The following WDR70 variants were observed in gnomAD, a reference collection of about 807,000 sequenced individuals.
The protein encoded by WDR70 is WD repeat domain 70.
Under a neutral mutation model 88.6 loss-of-function variants are expected in WDR70, and 53 were observed. The observed-to-expected ratio is 0.60, with a 90% CI of 0.48 to 0.75. The LOEUF (loss-of-function observed/expected upper bound fraction) is 0.75, where lower values mean the gene tolerates loss of function less well. Among genes scored for constraint, WDR70 ranks in the 30% least tolerant of loss-of-function variants. WDR70 has a pLI of 0.00. For synonymous variants in WDR70, 280 were observed against 270.0 expected (o/e 1.04, Z -0.36); for missense variants, 610 against 823.2 (o/e 0.74, Z 3.17).
chr5:37,420,834 A>G (rs1268900531), intron 5 of WDR70, among the ~76,000 whole-genome samples: 1 of 152,116 alleles, frequency 6.6e-6, no homozygotes, highest in Non-Finnish European at 1.5e-5. Context: ...GAATCACTTG[A>G]ACCCAGGAGG....
chr5:37,414,816 G>A (rs920301678), intron 5 of WDR70, among the ~76,000 whole-genome samples: 1 of 150,922 alleles, frequency 6.6e-6, no homozygotes, highest in African/African-American at 2.4e-5. Flanking sequence ...ATCATTCTTG[G>A]GTGTTTCTCG....
chr5:37,477,798 C>T (rs1739533861), intron 7 of WDR70, among the ~76,000 whole-genome samples: 1 of 152,138 alleles, frequency 6.6e-6, no homozygotes. Context: ...TATAGGGTTT[C>T]TCTCTTATTT....
intron 10 of WDR70, among the ~76,000 whole-genome samples, chr5:37,616,116 A>G (rs1335200778): frequency 6.6e-6 from 1 of 152,062 alleles, no homozygotes; most frequent in African/African-American, 2.4e-5. Context: ...AACTTTCTCC[A>G]TAATCAAAAC....
At chr5:37,580,530 C>G (rs951757038) in intron 9 of WDR70, among the ~76,000 whole-genome samples, 1 of 152,202 alleles carries the variant, frequency 6.6e-6, no homozygotes, top group Non-Finnish European at 1.5e-5. Flanking sequence ...ACTTAACTTT[C>G]AGAACATATA....
intron 3 of WDR70, among the ~76,000 whole-genome samples, chr5:37,384,118 T>C (rs1036291429): frequency 1.3e-5 from 2 of 151,388 alleles, no homozygotes; most frequent in Non-Finnish European, 2.9e-5. Flanking sequence ...CTGTAAGAGA[T>C]AGGAAAAACC....
At chr5:37,706,586 C>G (rs1184907727) in intron 13 of WDR70, among the ~76,000 whole-genome samples, 2 of 152,098 alleles carry the variant, frequency 1.3e-5, no homozygotes, top group African/African-American at 4.8e-5. Context: ...TGCCTTTGCC[C>G]CTCCTTCACC....
intron 15 of WDR70, chr5:37,723,642 G>A (rs1384414908): frequency 1.3e-5 from 2 of 152,372 alleles, no homozygotes; most frequent in South Asian, 4.1e-4. Context: ...AGCCCAGGGG[G>A]CGCTGTACTG....
At chr5:37,506,611 A>G (rs1384691620) in intron 8 of WDR70, 32 of 776,928 alleles carry the variant, frequency 4.1e-5, no homozygotes, top group South Asian at 3.0e-4. Context: ...AATCCTAACA[A>G]TCCTTCAGGA....
chr5:37,752,401 T>A (rs1748840723), intron 17 of WDR70, 85 bp from the exon 18 acceptor site: 1 of 936,870 alleles, frequency 1.1e-6, no homozygotes, highest in Non-Finnish European at 1.6e-6. Flanking sequence ...CCACATTTGC[T>A]CCCACTTGAT....
chr5:37,736,650 G>A (rs1748315347), intron 17 of WDR70, among the ~76,000 whole-genome samples: 1 of 149,976 alleles, frequency 6.7e-6, no homozygotes. Context: ...CGGTGGGGGG[G>A]TTGTTTAAAA....
At chr5:37,482,974 G>A (rs1453259314) in intron 8 of WDR70, among the ~76,000 whole-genome samples, 1 of 151,860 alleles carries the variant, frequency 6.6e-6, no homozygotes, top group Non-Finnish European at 1.5e-5. Context: ...TTGATCCCAG[G>A]AGTTTGAGGT....
At chr5:37,417,081 C>T (rs1041703048) in intron 5 of WDR70, among the ~76,000 whole-genome samples, 1 of 151,938 alleles carries the variant, frequency 6.6e-6, no homozygotes, top group African/African-American at 2.4e-5. Flanking sequence ...GTGATGGACA[C>T]TGCTAGTATG....
Position 37,735,833 on chromosome 5 carries a change from A to G in WDR70, c.1877+8788A>G, listed in dbSNP as rs78843507. The stretch of plus-strand genomic sequence containing the variant: ...GTGATGAAATGAAGATTTATTTACC[A>G]TATCTCGCTTTATCACAGAAAAGCA... On this transcript the variant is annotated intron_variant, in intron 17 of 17. Transcript: ENST00000265107. Among the ~76,000 whole-genome samples the G allele has an allele frequency of 6.3e-3, 955 of 152,304 alleles. 12 individuals are homozygous for G. Among genetic ancestry groups the G allele is most frequent in the African/African-American group, 0.022 (911 of 41,552 alleles).
At chr5:37,724,440 T>C (rs1747910458) in intron 15 of WDR70, 1 of 152,976 alleles carries the variant, frequency 6.5e-6, no homozygotes, top group Non-Finnish European at 1.5e-5. Context: ...GGGATAAGTG[T>C]TCCTCCCTTC....
At chr5:37,569,654 T>C (rs1185354148) in intron 9 of WDR70, among the ~76,000 whole-genome samples, 2 of 152,230 alleles carry the variant, frequency 1.3e-5, no homozygotes, top group Non-Finnish European at 2.9e-5. Context: ...AAATTGCTTT[T>C]GACCATTCAA....
intron 13 of WDR70, among the ~76,000 whole-genome samples, chr5:37,709,601 A>G (rs150175482): frequency 8.9e-5 from 13 of 145,392 alleles, no homozygotes; most frequent in African/African-American, 3.4e-4. Context: ...GTTTTAGTGT[A>G]AATTTGCCAG....
At chr5:37,521,134 A>G (rs1741072068) in intron 9 of WDR70, among the ~76,000 whole-genome samples, 1 of 152,208 alleles carries the variant, frequency 6.6e-6, no homozygotes, top group Admixed American at 6.5e-5. Context: ...CTGTTGGATC[A>G]GTGTGAATGG....
chr5:37,468,700 G>A (rs1178218716), intron 7 of WDR70, among the ~76,000 whole-genome samples: 2 of 151,990 alleles, frequency 1.3e-5, no homozygotes. Flanking sequence ...TTATTCCTGG[G>A]TTCTACATCT....
Position 37,396,540 on chromosome 5 carries a change from GGAA to G in WDR70, c.471_473del (p.Glu164del), listed in dbSNP as rs766676723. On this transcript the variant is annotated inframe_deletion, in exon 5 of 18. Coordinates refer to ENST00000265107, the MANE Select transcript of WDR70 (RefSeq NM_018034.4). Reference sequence around the variant, plus strand: ...TTAATGAAGAAGAAGAAGAAGCAGAGGAAGAAGAAGAGGAAGAGGAGGAAGAGG... The same window carrying G: ...TTAATGAAGAAGAAGAAGAAGCAGAGGAAGAAGAGGAAGAGGAGGAAGAGG... 93 of 1,612,278 alleles carry G rather than the reference GGAA, an allele frequency of 5.8e-5. No homozygotes were observed. The highest frequency in any genetic ancestry group is 1.6e-4 in the Middle Eastern group (1 of 6,082).
Sources: allele counts gnomAD v4.1 joint callset (sites outside exome capture counted in the v4.1 genomes callset), GRCh38; gene constraint gnomAD v4.1.1; transcripts MANE v1.5; gene names NCBI Gene and HGNC (gene_info 2026-07-23, HGNC 2026-07-21).